Variants in CENPP observed in about 807,000 individuals in gnomAD.
CENPP encodes centromere protein P.
Under a neutral mutation model 35.6 loss-of-function variants are expected in CENPP, and 24 were observed. That is an observed-to-expected ratio of 0.67 (90% confidence interval 0.49 to 0.95). The LOEUF (loss-of-function observed/expected upper bound fraction) is 0.95, where lower values mean the gene tolerates loss of function less well. CENPP is among the 40% of genes least tolerant of loss of function. The pLI, the probability that CENPP is intolerant of heterozygous loss-of-function variation, is 0.00. For synonymous variants in CENPP, 120 were observed against 125.5 expected (o/e 0.96, Z 0.29); for missense variants, 332 against 345.3 (o/e 0.96, Z 0.31).
At chr9:92,559,068 A>C (rs1026748482) in intron 5 of CENPP, among the ~76,000 whole-genome samples, 19 of 152,268 alleles carry the variant, frequency 1.2e-4, no homozygotes, top group African/African-American at 4.6e-4. Context: ...CAGCTGCCAA[A>C]GAAAAGGGCT....
chr9:92,612,002 G>C, intron 6 of CENPP, among the ~76,000 whole-genome samples: 1 of 152,316 alleles, frequency 6.6e-6, no homozygotes, highest in Non-Finnish European at 1.5e-5. Context: ...CCAGGGTCAT[G>C]AGCAGCTGCA....
chr9:92,338,263 G>A (rs911027629), intron 3 of CENPP, among the ~76,000 whole-genome samples: 2 of 152,046 alleles, frequency 1.3e-5, no homozygotes, highest in African/African-American at 2.4e-5. Context: ...CGTGAGCTGT[G>A]ATTGTGCCAC....
At chr9:92,369,165 G>C (rs959788043) in intron 4 of CENPP, among the ~76,000 whole-genome samples, 1 of 152,172 alleles carries the variant, frequency 6.6e-6, no homozygotes, top group Non-Finnish European at 1.5e-5. Context: ...GTTCACAAGA[G>C]GGAGAGGCAC....
intron 5 of CENPP, among the ~76,000 whole-genome samples, chr9:92,547,791 C>T (rs984053729): frequency 2.6e-5 from 4 of 152,108 alleles, no homozygotes; most frequent in African/African-American, 9.7e-5. Flanking sequence ...TTAAAGTATG[C>T]GTTTTATGGT....
chr9:92,386,644 T>A (rs1301714736), intron 5 of CENPP, among the ~76,000 whole-genome samples: 1 of 152,142 alleles, frequency 6.6e-6, no homozygotes, highest in Non-Finnish European at 1.5e-5. Flanking sequence ...CTATGTGGGA[T>A]TGAATTTTGA....
At chr9:92,578,955 T>A (rs1397419331) in intron 5 of CENPP, among the ~76,000 whole-genome samples, 1 of 152,212 alleles carries the variant, frequency 6.6e-6, no homozygotes, top group Non-Finnish European at 1.5e-5. Context: ...CAGTCTTTAA[T>A]CCATCTTGAA....
At chr9:92,542,660 G>T (rs532161408) in intron 5 of CENPP, among the ~76,000 whole-genome samples, 1 of 152,216 alleles carries the variant, frequency 6.6e-6, no homozygotes, top group South Asian at 2.1e-4. Context: ...GGGACTACAG[G>T]CATGCACCAC....
chr9:92,330,278 A>G (rs1840698974), intron 1 of CENPP, among the ~76,000 whole-genome samples: 1 of 152,226 alleles, frequency 6.6e-6, no homozygotes, highest in African/African-American at 2.4e-5. Flanking sequence ...GCAGATTCCA[A>G]GAGAAACGAT....
At chr9:92,460,480 A>T in intron 5 of CENPP, 1 of 1,583,384 alleles carries the variant, frequency 6.3e-7, no homozygotes, top group Non-Finnish European at 8.7e-7. Flanking sequence ...TTACCTTTGT[A>T]GTTCTTTGTA....
chr9:92,447,097 G>A (rs764649832), intron 5 of CENPP, among the ~76,000 whole-genome samples: 4 of 151,960 alleles, frequency 2.6e-5, no homozygotes, highest in South Asian at 4.2e-4. Flanking sequence ...ATAGTGTAGC[G>A]GACCCCAGAC....
intron 5 of CENPP, chr9:92,416,689 G>A: frequency 6.2e-7 from 1 of 1,612,072 alleles, no homozygotes; most frequent in South Asian, 1.1e-5. Context: ...GCTTCAATTT[G>A]TTGTGTCCAA....
At chr9:92,535,590 T>C (rs920755829) in intron 5 of CENPP, among the ~76,000 whole-genome samples, 7 of 152,152 alleles carry the variant, frequency 4.6e-5, no homozygotes, top group African/African-American at 1.7e-4. Flanking sequence ...CTATTATCTA[T>C]TTTCACTTCA....
At chr9:92,374,449 G>A (rs557988939) in intron 4 of CENPP, among the ~76,000 whole-genome samples, 214 of 152,036 alleles carry the variant, frequency 1.4e-3, no homozygotes, top group African/African-American at 4.7e-3. Flanking sequence ...CAGGTGATCC[G>A]CCCACCTCGG....
chr9:92,334,118 AG>A (rs1840843685), intron 2 of CENPP, among the ~76,000 whole-genome samples: 1 of 134,076 alleles, frequency 7.5e-6, no homozygotes, highest in South Asian at 2.3e-4. Flanking sequence ...TAATGAGAGT[AG>A]GGTTTTTTTT....
At chr9:92,434,511 T>C (rs969729478) in intron 5 of CENPP, among the ~76,000 whole-genome samples, 1 of 151,692 alleles carries the variant, frequency 6.6e-6, no homozygotes. Context: ...TAAATAAACA[T>C]AAGTATTGGC....
chr9:92,335,467 G>A (rs1840896499), intron 2 of CENPP, among the ~76,000 whole-genome samples: 1 of 151,894 alleles, frequency 6.6e-6, no homozygotes. Flanking sequence ...AAAGCCCAAG[G>A]TCATCTAGAT....
At chr9:92,404,944 A>C (rs541215195) in intron 5 of CENPP, among the ~76,000 whole-genome samples, 1 of 152,272 alleles carries the variant, frequency 6.6e-6, no homozygotes, top group East Asian at 1.9e-4. Context: ...AACATAGTCC[A>C]TGTTGTTAAT....
At chr9:92,427,227 G>C (rs139760435) in intron 5 of CENPP, among the ~76,000 whole-genome samples, 1 of 151,986 alleles carries the variant, frequency 6.6e-6, no homozygotes, top group South Asian at 2.1e-4. Context: ...CAATGGCGCC[G>C]TCTTGGCTCA....
Position 92,613,257 on chromosome 9 carries a change from G to C in CENPP, c.*108G>C. 7.5e-7 allele frequency: 1 copy of C among 1,330,716 alleles called. No individual in the cohort carries two copies. The highest frequency in any genetic ancestry group is 1.1e-6 in the Non-Finnish European group (1 of 938,396). The allele number at this position is 1,330,716 out of a possible 1,614,324, so 82.4% of individuals were successfully genotyped here. A position where few individuals can be genotyped will look rare whatever the true frequency, so the allele number is the denominator to read the frequency against. Reference sequence around the variant, plus strand: ...TGCTTAGAAACCACACCCTGAAGACGTGCTGTCTATGCAGTTATGGCACAT... The same window carrying C: ...TGCTTAGAAACCACACCCTGAAGACCTGCTGTCTATGCAGTTATGGCACAT... On this transcript the variant is annotated 3_prime_UTR_variant, in exon 8 of 8. Coordinates refer to ENST00000375587, the MANE Select transcript of CENPP (RefSeq NM_001012267.3).
Sources: gnomAD v4.1 joint callset for allele counts (sites outside exome capture counted in the v4.1 genomes callset) on GRCh38, gnomAD v4.1.1 for gene constraint, MANE v1.5 for transcripts, NCBI Gene and HGNC (gene_info 2026-07-23, HGNC 2026-07-21) for gene names.